Variants in FLT1 observed in about 807,000 individuals in gnomAD.
FLT1 encodes the protein fms related receptor tyrosine kinase 1.
Under a neutral mutation model 156.3 loss-of-function variants are expected in FLT1, and 49 were observed. The observed-to-expected ratio is 0.31, with a 90% CI of 0.25 to 0.40. FLT1 has a LOEUF of 0.40. Among genes scored for constraint, FLT1 ranks in the 10% least tolerant of loss-of-function variants. The pLI is 1.00. For missense variants in FLT1, 1,322 were observed against 1,637.2 expected, an observed-to-expected ratio of 0.81 and a Z score of 3.32; for synonymous variants, 594 against 583.8, an observed-to-expected ratio of 1.02 and a Z score of -0.25.
chr13:28,326,012 A>G (rs1331581897), intron 20 of FLT1, among the ~76,000 whole-genome samples: 1 of 152,086 alleles, frequency 6.6e-6, no homozygotes, highest in Non-Finnish European at 1.5e-5. Flanking sequence ...CCCACATTAT[A>G]AAGATGGGCA....
chr13:28,432,245 T>C (rs539183261), intron 6 of FLT1, among the ~76,000 whole-genome samples: 8 of 139,102 alleles, frequency 5.8e-5, no homozygotes, highest in Middle Eastern at 3.6e-3. Context: ...GATTTTTGGA[T>C]CTTGAGCTTA....
chr13:28,325,561 T>C lies in FLT1; in HGVS notation c.2796+1901A>G, dbSNP rs139491930. Reference sequence around the variant, plus strand: ...CGGGCACGGTGGCTCACACCTGTAATCCCAGCACTTTGTGAGGCCGAGGCA... The same window carrying C: ...CGGGCACGGTGGCTCACACCTGTAACCCCAGCACTTTGTGAGGCCGAGGCA... On this transcript the variant is annotated intron_variant, in intron 20 of 29. Transcript: ENST00000282397. Among the ~76,000 whole-genome samples the C allele has an allele frequency of 9.8e-3, 1,495 of 152,228 alleles. 33 individuals carry two copies. Among genetic ancestry groups the C allele is most frequent in the African/African-American group, 0.034 (1,408 of 41,536 alleles).
chr13:28,334,181 T>A, intron 17 of FLT1, 52 bp from the exon 18 acceptor site: 1 of 1,205,188 alleles, frequency 8.3e-7, no homozygotes, highest in Non-Finnish European at 1.2e-6. Context: ...AGGGTGAGTT[T>A]AAGTCTTTTT....
intron 3 of FLT1, among the ~76,000 whole-genome samples, chr13:28,444,275 C>T (rs1878488860): frequency 6.6e-6 from 1 of 152,118 alleles, no homozygotes; most frequent in Non-Finnish European, 1.5e-5. Flanking sequence ...AACCCCATCT[C>T]CACTAAAAAT....
intron 10 of FLT1, among the ~76,000 whole-genome samples, chr13:28,416,136 G>A (rs1000998959): frequency 6.6e-6 from 1 of 152,180 alleles, no homozygotes; most frequent in African/African-American, 2.4e-5. Flanking sequence ...ACCTTATGAT[G>A]TCAGTGCTGT....
intron 13 of FLT1, chr13:28,386,289 G>C: frequency 9.6e-7 from 1 of 1,043,308 alleles, no homozygotes; most frequent in Non-Finnish European, 1.2e-6. Flanking sequence ...ATTTGTTAAA[G>C]CAATTTAGAA....
chr13:28,357,589 C>T lies in FLT1; in HGVS notation c.2213G>A (p.Gly738Asp). 6.2e-7 allele frequency: 1 copy of T among 1,614,050 alleles called. No homozygotes were observed. The highest frequency in any genetic ancestry group is 8.5e-7 in the Non-Finnish European group (1 of 1,179,958). Reference sequence around the variant, plus strand: ...GAGGTATGCTGAACTTTCCACAGAGCCCTTCTGGTTGGTGGCTTTGCAGTG... The same window carrying T: ...GAGGTATGCTGAACTTTCCACAGAGTCCTTCTGGTTGGTGGCTTTGCAGTG... ...VYHCKATNQK[G>D]SVESSAYLTV... Residue 738 changes from glycine to aspartate, a missense_variant, in exon 15 of 30, where the codon GGC (glycine) becomes GAC (aspartate). Physicochemically the swap from Gly to Asp is moderately conservative, Grantham distance 94. Coordinates refer to ENST00000282397, the MANE Select transcript of FLT1 (RefSeq NM_002019.4).
At chr13:28,465,016 T>C (rs1879773165) in intron 3 of FLT1, among the ~76,000 whole-genome samples, 1 of 152,192 alleles carries the variant, frequency 6.6e-6, no homozygotes, top group Admixed American at 6.5e-5. Flanking sequence ...TCTCCACAGA[T>C]GTCGGAAAGA....
At chr13:28,379,102 G>T (rs1425731428) in intron 14 of FLT1, among the ~76,000 whole-genome samples, 1 of 152,168 alleles carries the variant, frequency 6.6e-6, no homozygotes, top group Non-Finnish European at 1.5e-5. Flanking sequence ...CAGCACTTTG[G>T]GAGGCTGAGG....
At chr13:28,459,380 C>A (rs952377152) in intron 3 of FLT1, among the ~76,000 whole-genome samples, 1 of 152,186 alleles carries the variant, frequency 6.6e-6, no homozygotes. Context: ...CTGATCAAAA[C>A]TTTGGAAACC....
At chr13:28,420,931 C>T (rs974687581) in intron 10 of FLT1, among the ~76,000 whole-genome samples, 7 of 152,112 alleles carry the variant, frequency 4.6e-5, no homozygotes, top group Admixed American at 6.5e-5. Context: ...AAGCCCCTCT[C>T]GGAAGCCCTT....
intron 6 of FLT1, 82 bp downstream of exon 6, chr13:28,433,737 T>C: frequency 1.5e-6 from 2 of 1,373,304 alleles, no homozygotes; most frequent in Non-Finnish European, 2.1e-6. Context: ...ATTTTCTGAT[T>C]TTTCCCATCT....
intron 4 of FLT1, 53 bp downstream of exon 4, chr13:28,438,168 A>C: frequency 1.3e-6 from 2 of 1,582,038 alleles, no homozygotes; most frequent in Non-Finnish European, 1.7e-6. Flanking sequence ...GTAAAACTTC[A>C]TTATGCTTAT....
At chr13:28,389,671 T>C (rs1369937821) in intron 13 of FLT1, 125 bp downstream of exon 13, 1 of 1,544,588 alleles carries the variant, frequency 6.5e-7, no homozygotes, top group Non-Finnish European at 8.7e-7. Flanking sequence ...CAAGATGATA[T>C]GAGACAACTG....
At chr13:28,473,469 AC>A in intron 1 of FLT1, among the ~76,000 whole-genome samples, 2 of 151,630 alleles carry the variant, frequency 1.3e-5, no homozygotes, top group Non-Finnish European at 2.9e-5. Context: ...ACATGGTGAA[AC>A]CCCGTCTCTA....
In FLT1 at chr13:28,402,356, A is replaced by G. The variant is rs78454751; in HGVS notation, c.1551+3424T>C. Among the ~76,000 whole-genome samples, 863 of 152,352 alleles carry G rather than the reference A, an allele frequency of 5.7e-3. 6 individuals carry two copies. The highest frequency in any genetic ancestry group is 0.019 in the African/African-American group (804 of 41,578). On this transcript the variant is annotated intron_variant, in intron 11 of 29. Coordinates refer to ENST00000282397, the MANE Select transcript of FLT1 (RefSeq NM_002019.4). ...TTAATTGTGAAGGAAAAAGCACTGC[A>G]TATAATTCAGAAACAGCAAAACTTC...
chr13:28,492,784 T>C (rs1041817308), intron 1 of FLT1, among the ~76,000 whole-genome samples: 3 of 152,338 alleles, frequency 2.0e-5, no homozygotes, highest in South Asian at 4.1e-4. Flanking sequence ...CTGATTGTTT[T>C]ACTGTGAGAT....
chr13:28,327,371 C>CACAAT, intron 20 of FLT1, 91 bp downstream of exon 20: 2 of 815,118 alleles, frequency 2.5e-6, no homozygotes, highest in South Asian at 2.8e-5. Context: ...TCATTAACAA[C>CACAAT]ACAATACAGG....
intron 17 of FLT1, among the ~76,000 whole-genome samples, chr13:28,336,107 G>A (rs1180973414): frequency 2.0e-5 from 3 of 152,144 alleles, no homozygotes; most frequent in Non-Finnish European, 4.4e-5. Context: ...TGCATGTTTG[G>A]GGCAGGTGGC....
Sources: allele counts gnomAD v4.1 joint callset (sites outside exome capture counted in the v4.1 genomes callset), GRCh38; gene constraint gnomAD v4.1.1; transcripts MANE v1.5; gene names NCBI Gene and HGNC (gene_info 2026-07-23, HGNC 2026-07-21).